IL5RA: variants seen among roughly 807,000 people sequenced by gnomAD.
IL5RA encodes interleukin-5 receptor subunit alpha.
In IL5RA, 49 loss-of-function variants were observed where a neutral mutation model predicts 50.0. That is an observed-to-expected ratio of 0.98 (90% CI 0.78 to 1.24). The LOEUF (loss-of-function observed/expected upper bound fraction) is 1.24. Among genes scored for constraint, IL5RA ranks in the 50% most tolerant of loss-of-function variants. The pLI, the probability that IL5RA is intolerant of heterozygous loss-of-function variation, is 0.00. For synonymous variants in IL5RA, 202 were observed against 174.0 expected (o/e 1.16, Z -1.26); for missense variants, 600 against 500.4 (o/e 1.20, Z -1.90).
At chr3:3,090,340 T>A in intron 9 of IL5RA, 1 of 976,500 alleles carries the variant, frequency 1.0e-6, no homozygotes, top group Non-Finnish European at 1.6e-6. Context: ...GCTTTCTATG[T>A]AAGGCTCCAG....
Position 3,076,545 on chromosome 3 carries a change from C to T in IL5RA, c.1077G>A (p.Ser359=), listed in dbSNP as rs560218273. ...ATICFILLIL[S]LICKICHLWI... is the part of the protein sequence containing the mutation. ...AGAACACTTACATTTTACAGATAAG[C>T]GAGAGAATTAACAAGATGAAGCAGA... The change falls in exon 10 of 12, where the codon TCG becomes TCA. Residue 359 remains serine, a synonymous_variant. Transcript: ENST00000446632. 37 of 1,605,910 alleles carry T rather than the reference C, an allele frequency of 2.3e-5. No individual in the cohort carries two copies. In the East Asian group the frequency reaches 5.8e-4, roughly 25 times the overall value.
intron 5 of IL5RA, among the ~76,000 whole-genome samples, chr3:3,100,725 G>A (rs1225561520): frequency 6.6e-6 from 1 of 152,178 alleles, no homozygotes; most frequent in African/African-American, 2.4e-5. Context: ...TAGAAAGGAG[G>A]AATGGTGGTT....
intron 9 of IL5RA, chr3:3,091,678 G>A (rs1574994171): frequency 6.6e-6 from 1 of 152,432 alleles, no homozygotes; most frequent in African/African-American, 2.4e-5. Context: ...GTTGCAGTAA[G>A]CTGAGATGGC....
rs754259727 is a variant in IL5RA, at chr3:3,095,426, A to C, written c.728T>G (p.Leu243Arg). The change falls in exon 8 of 12, where the codon CTG becomes CGG. Residue 243 changes from leucine (L) to arginine (R), a missense_variant. Leu to Arg is a moderately radical substitution (Grantham distance 102, BLOSUM62 -2). Transcript: ENST00000446632. ...TCCTTCAATCTCTGCTGTGACATTCAGTGGAGGATTTATTTGATCTAAGTT... is the reference window on the plus strand; with the variant it reads ...TCCTTCAATCTCTGCTGTGACATTCCGTGGAGGATTTATTTGATCTAAGTT... ...LHAIDQINPP[L>R]NVTAEIEGTR... is the part of the protein sequence containing the mutation. 1.9e-6 allele frequency: 3 copies of C among 1,610,672 alleles called. No individual in the cohort carries two copies. The highest frequency in any genetic ancestry group is 2.2e-5 in the South Asian group (2 of 89,616).
intron 9 of IL5RA, among the ~76,000 whole-genome samples, chr3:3,088,121 G>A (rs769650855): frequency 8.5e-5 from 13 of 152,300 alleles, no homozygotes; most frequent in Non-Finnish European, 1.6e-4. Flanking sequence ...CTAGGAAGGT[G>A]TTATTTAGGA....
At chr3:3,105,953 C>G (rs1008679499) in intron 2 of IL5RA, among the ~76,000 whole-genome samples, 3 of 152,170 alleles carry the variant, frequency 2.0e-5, no homozygotes, top group African/African-American at 7.2e-5. Context: ...CCTGTGTTGT[C>G]CTCACTTTTA....
intron 9 of IL5RA, among the ~76,000 whole-genome samples, chr3:3,083,868 G>A (rs1702752897): frequency 6.6e-6 from 1 of 152,088 alleles, no homozygotes; most frequent in African/African-American, 2.4e-5. Flanking sequence ...GGCCAACATG[G>A]TGAAAATGCT....
At chr3:3,071,109 G>C (rs566167740) in intron 11 of IL5RA, among the ~76,000 whole-genome samples, 2 of 152,130 alleles carry the variant, frequency 1.3e-5, no homozygotes, top group South Asian at 2.1e-4. Flanking sequence ...GCCTGTAAGA[G>C]ATCCTATTCC....
At chr3:3,093,605 A>G (rs1305060021) in intron 8 of IL5RA, among the ~76,000 whole-genome samples, 1 of 152,222 alleles carries the variant, frequency 6.6e-6, no homozygotes, top group Non-Finnish European at 1.5e-5. Flanking sequence ...AGCTCTGGCT[A>G]AGAAAGTCCT....
Position 3,098,124 on chromosome 3 carries a change from G to C in IL5RA, c.521+13C>G, listed in dbSNP as rs776250323. On this transcript the variant is annotated intron_variant, in intron 6 of 11. Transcript: ENST00000446632. ...CAACCATTTGCCTAAGTAAAAATAGGTACAGTACTAACCTATAGTAGAGAA... is the reference window on the plus strand; with the variant it reads ...CAACCATTTGCCTAAGTAAAAATAGCTACAGTACTAACCTATAGTAGAGAA... 3.1e-6 allele frequency: 5 copies of C among 1,613,920 alleles called. No homozygotes were observed. The African/African-American group carries it at 6.7e-5, about 22-fold the overall frequency.
intron 8 of IL5RA, among the ~76,000 whole-genome samples, chr3:3,094,680 T>G (rs1703271172): frequency 6.6e-6 from 1 of 152,198 alleles, no homozygotes; most frequent in Non-Finnish European, 1.5e-5. Context: ...TGAGAATTCA[T>G]CATATCGTTT....
chr3:3,105,624 T>TCCCCCC (rs3214846), intron 2 of IL5RA: 2 of 139,754 alleles, frequency 1.4e-5, no homozygotes, highest in Non-Finnish European at 1.5e-5. Context: ...TTTGTTTTGT[T>TCCCCCC]CCCCCCCCCA....
chr3:3,106,845 A>G (rs1239222767), intron 2 of IL5RA, among the ~76,000 whole-genome samples: 1 of 152,164 alleles, frequency 6.6e-6, no homozygotes, highest in Admixed American at 6.6e-5. Flanking sequence ...AAACTGCAAA[A>G]TTAATATTTC....
At chr3:3,096,212 A>T (rs1330927427) in intron 7 of IL5RA, among the ~76,000 whole-genome samples, 2 of 151,542 alleles carry the variant, frequency 1.3e-5, no homozygotes, top group Admixed American at 1.3e-4. Context: ...CAGCAGGCGG[A>T]GCTTGCAGTG....
At chr3:3,105,631 C>T (rs905551857) in intron 2 of IL5RA, 2 of 142,998 alleles carry the variant, frequency 1.4e-5, no homozygotes, top group Non-Finnish European at 3.0e-5. Context: ...TGTTCCCCCC[C>T]CCACCCCGCA....
At chr3:3,085,297 C>T (rs1370539624) in intron 9 of IL5RA, among the ~76,000 whole-genome samples, 1 of 152,146 alleles carries the variant, frequency 6.6e-6, no homozygotes, top group Non-Finnish European at 1.5e-5. Context: ...CTGTGTAGAC[C>T]CAGTGGCTCC....
At chr3:3,090,783 G>A (rs748497349) in intron 9 of IL5RA, among the ~76,000 whole-genome samples, 2 of 151,790 alleles carry the variant, frequency 1.3e-5, no homozygotes, top group Non-Finnish European at 2.9e-5. Flanking sequence ...CCATGTTACC[G>A]AGGATGGTCT....
chr3:3,076,646 G>T lies in IL5RA; in HGVS notation c.995-19C>A. ...TCATTTCCTGGTGGAAAACAAAAAA[G>T]AAACAAAAAAATATAAAGTCCAAGT... On this transcript the variant is annotated intron_variant, in intron 9 of 11. Coordinates refer to ENST00000446632, the MANE Select transcript of IL5RA (RefSeq NM_175726.4). 6.6e-7 allele frequency: 1 copy of T among 1,517,076 alleles called. No individual in the cohort carries two copies. The highest frequency in any genetic ancestry group is 9.1e-7 in the Non-Finnish European group (1 of 1,100,308). The allele number at this position is 1,517,076 out of a possible 1,614,324, so 94.0% of individuals were successfully genotyped here.
At position 3,085,722 on chromosome 3, in the gene IL5RA, C is replaced by A. The variant is rs376323016; in HGVS notation, c.994+6502G>T. Among the ~76,000 whole-genome samples the A allele has an allele frequency of 2.0e-4, 30 of 152,224 alleles. No individual in the cohort carries two copies. The East Asian group carries it at 5.2e-3, about 26-fold the overall frequency. ...CTCTGGGGTGGCCTTCCTTCCAGCC[C>A]ATATTGCCATAGGCCACCCTGATAC... On this transcript the variant is annotated intron_variant, in intron 9 of 11. Coordinates refer to ENST00000446632, the MANE Select transcript of IL5RA (RefSeq NM_175726.4).
Sources: allele counts gnomAD v4.1 joint callset (sites outside exome capture counted in the v4.1 genomes callset), GRCh38; gene constraint gnomAD v4.1.1; transcripts MANE v1.5; gene names NCBI Gene and HGNC (gene_info 2026-07-23, HGNC 2026-07-21).